Variants in AGPAT4 observed in about 807,000 individuals in gnomAD.
The protein encoded by AGPAT4 is 1-acylglycerol-3-phosphate O-acyltransferase 4.
AGPAT4 carries 15 observed loss-of-function variants against 48.0 expected under a neutral mutation model. The ratio of observed to expected loss-of-function variants is 0.31; its 90% CI spans 0.21 to 0.48. AGPAT4 has a LOEUF of 0.48. Among genes scored for constraint, AGPAT4 ranks in the 20% least tolerant of loss-of-function variants. AGPAT4 has a pLI of 0.99. For synonymous variants in AGPAT4, 178 were observed against 198.7 expected (o/e 0.90, Z 0.88); for missense variants, 314 against 482.5 (o/e 0.65, Z 3.27).
In AGPAT4 at chr6:161,246,951, AG is replaced by A. The variant is rs925389830; in HGVS notation, c.-89-14650del. On this transcript the variant is annotated intron_variant, in intron 1 of 8. Transcript: ENST00000320285. The surrounding 1 kb of genome is among the most constrained non-coding windows in gnomAD (Gnocchi z 5.5). The stretch of plus-strand genomic sequence containing the variant: ...CTTCTTTCCCATTAACATTAAACAC[AG>A]GGCAGATGACACACCAAGTTATTCT... Among the ~76,000 whole-genome samples the A allele has an allele frequency of 1.1e-4, 16 of 152,374 alleles. No individual in the cohort carries two copies. The highest frequency in any genetic ancestry group is 3.8e-4 in the African/African-American group (16 of 41,592).
At position 161,217,858 on chromosome 6, in the gene AGPAT4, G is replaced by A. The variant is rs945077954; in HGVS notation, c.178+14178C>T. ...GCACAGCTGGTGCCTCTGCTCCCGC[G>A]GGGCCCTGCACACACCAGCTCTGGG... is the stretch of plus-strand genomic sequence containing the variant. On this transcript the variant is annotated intron_variant, in intron 2 of 8. Coordinates refer to ENST00000320285, the MANE Select transcript of AGPAT4 (RefSeq NM_020133.3). The surrounding 1 kb of genome is among the most constrained non-coding windows in gnomAD (Gnocchi z 4.9). Among the ~76,000 whole-genome samples, 1 of 146,248 alleles carries A rather than the reference G, an allele frequency of 6.8e-6. No individual in the cohort carries two copies. Among genetic ancestry groups the A allele is most frequent in the Non-Finnish European group, 1.5e-5 (1 of 67,038 alleles).
chr6:161,175,236 T>C (rs901339207), intron 2 of AGPAT4, among the ~76,000 whole-genome samples: 1 of 152,202 alleles, frequency 6.6e-6, no homozygotes, highest in African/African-American at 2.4e-5. Flanking sequence ...CCAGCTCCTC[T>C]TTGTACCTCT....
Position 161,138,488 on chromosome 6 carries a change from C to T in AGPAT4, c.1042+934G>A, listed in dbSNP as rs1350968430. On this transcript the variant is annotated intron_variant, in intron 8 of 8. Coordinates refer to ENST00000320285, the MANE Select transcript of AGPAT4 (RefSeq NM_020133.3). The surrounding 1 kb of genome is among the most constrained non-coding windows in gnomAD (Gnocchi z 4.8). ...TTTATAGATGCACATATGCTTGAGA[C>T]TGGAACCACCACGTGCATCAAATTG... Among the ~76,000 whole-genome samples the T allele has an allele frequency of 6.6e-6, 1 of 152,156 alleles. No homozygotes were observed. The highest frequency in any genetic ancestry group is 2.4e-5 in the African/African-American group (1 of 41,418).
Position 161,240,125 on chromosome 6 carries a change from T to C in AGPAT4, c.-89-7823A>G, listed in dbSNP as rs1204903370. On this transcript the variant is annotated intron_variant, in intron 1 of 8. Coordinates refer to ENST00000320285, the MANE Select transcript of AGPAT4 (RefSeq NM_020133.3). This position sits in a 1 kb window ranked among gnomAD's most constrained non-coding sequence, Gnocchi z 5.5. ...TTCATTATGATATTAAGTGACAGGA[T>C]ACAAAATCATGTGGAGAAAATAATC... Among the ~76,000 whole-genome samples the C allele has an allele frequency of 2.0e-5, 3 of 151,384 alleles. No homozygotes were observed. The highest frequency in any genetic ancestry group is 4.4e-5 in the Non-Finnish European group (3 of 67,906).
rs951629860 is a variant in AGPAT4 at position 161,243,565 on chromosome 6, G to C, written c.-89-11263C>G. ...TAGCTTATGCTCTCTGAGCCTCCGG[G>C]TCTGTATCTGCTAATGGAGGTGAAA... is the stretch of plus-strand genomic sequence containing the variant. On this transcript the variant is annotated intron_variant, in intron 1 of 8. Transcript: ENST00000320285. This position sits in a 1 kb window ranked among gnomAD's most constrained non-coding sequence, Gnocchi z 4.8. Among the ~76,000 whole-genome samples, 24 of 152,150 alleles carry C rather than the reference G, an allele frequency of 1.6e-4. No homozygotes were observed. The highest frequency in any genetic ancestry group is 1.6e-3 in the Admixed American group (24 of 15,260).
chr6:161,163,803 A>G (rs1378336810), intron 3 of AGPAT4, among the ~76,000 whole-genome samples: 1 of 152,208 alleles, frequency 6.6e-6, no homozygotes, highest in African/African-American at 2.4e-5. Flanking sequence ...GCCCCCACTG[A>G]GCAAGGCTCC....
intron 2 of AGPAT4, among the ~76,000 whole-genome samples, chr6:161,185,938 T>C (rs1052396512): frequency 9.2e-5 from 14 of 152,244 alleles, no homozygotes; most frequent in African/African-American, 3.4e-4. Context: ...TCAATGCCAC[T>C]ATATTTGAAG....
intron 2 of AGPAT4, among the ~76,000 whole-genome samples, chr6:161,170,453 G>A (rs543539954): frequency 2.6e-4 from 37 of 142,544 alleles, no homozygotes; most frequent in African/African-American, 7.8e-4. Context: ...ATACACATGC[G>A]CGTGCACACG....
intron 2 of AGPAT4, among the ~76,000 whole-genome samples, chr6:161,176,964 T>C (rs1242715420): frequency 6.6e-6 from 1 of 152,278 alleles, no homozygotes; most frequent in Admixed American, 6.5e-5. Flanking sequence ...ATGTTCAATA[T>C]TGGCCCCCAC....
At position 161,238,071 on chromosome 6, in the gene AGPAT4, G is replaced by A. The variant is rs1424745615; in HGVS notation, c.-89-5769C>T. 6.9e-6 allele frequency among the ~76,000 whole-genome samples: 1 copy of A among 143,946 alleles called. No individual in the cohort carries two copies. The highest frequency in any genetic ancestry group is 2.3e-4 in the East Asian group (1 of 4,442). 94.4% of individuals were successfully genotyped at this position (143,946 alleles called of 152,430 possible). On this transcript the variant is annotated intron_variant, in intron 1 of 8. Transcript: ENST00000320285. This position sits in a 1 kb window ranked among gnomAD's most constrained non-coding sequence, Gnocchi z 5.2. ...TGTGTGTTGGGGGGCTGGGGGTGGG[G>A]GGGTAATGGGGGGGTTGGGGGGCGG... is the stretch of plus-strand genomic sequence containing the variant.
rs1779374053 is a variant in AGPAT4, at chr6:161,144,972, C to T, written c.843+1552G>A. On this transcript the variant is annotated intron_variant, in intron 7 of 8. Coordinates refer to ENST00000320285, the MANE Select transcript of AGPAT4 (RefSeq NM_020133.3). This position sits in a 1 kb window ranked among gnomAD's most constrained non-coding sequence, Gnocchi z 6.6. Reference sequence around the variant, plus strand: ...CTCCAGCCTGGGAGACAGAGTGAAACTCAGTCTCAAAAAAAAAAAATAAAA... The same window carrying T: ...CTCCAGCCTGGGAGACAGAGTGAAATTCAGTCTCAAAAAAAAAAAATAAAA... Among the ~76,000 whole-genome samples the T allele has an allele frequency of 6.6e-6, 1 of 151,274 alleles. No homozygotes were observed. The highest frequency in any genetic ancestry group is 2.1e-4 in the South Asian group (1 of 4,826).
At chr6:161,265,510 A>G (rs1214925336) in intron 1 of AGPAT4, among the ~76,000 whole-genome samples, 2 of 151,842 alleles carry the variant, frequency 1.3e-5, no homozygotes, top group East Asian at 3.9e-4. Flanking sequence ...CCACTGCTGG[A>G]CTGGGTGCTG....
rs1445809543 is a variant in AGPAT4, at chr6:161,169,665, T to A, written c.179-3248A>T. On this transcript the variant is annotated intron_variant, in intron 2 of 8. Coordinates refer to ENST00000320285, the MANE Select transcript of AGPAT4 (RefSeq NM_020133.3). The surrounding 1 kb of genome is among the most constrained non-coding windows in gnomAD (Gnocchi z 5.0). The stretch of plus-strand genomic sequence containing the variant: ...TTCTTAATCAAATGATTTCACTTCT[T>A]TTTTAATTCACAGAAACACATTTAT... Among the ~76,000 whole-genome samples the A allele has an allele frequency of 2.0e-5, 3 of 152,170 alleles. No homozygotes were observed. Among genetic ancestry groups the A allele is most frequent in the African/African-American group, 7.2e-5 (3 of 41,426 alleles).
intron 2 of AGPAT4, among the ~76,000 whole-genome samples, chr6:161,190,992 G>A (rs1019150058): frequency 2.6e-4 from 40 of 152,166 alleles, no homozygotes; most frequent in African/African-American, 9.7e-4. Flanking sequence ...AGACTGGTTA[G>A]ACCCATGCTA....
At chr6:161,256,989 T>C (rs780617375) in intron 1 of AGPAT4, among the ~76,000 whole-genome samples, 1 of 152,234 alleles carries the variant, frequency 6.6e-6, no homozygotes, top group African/African-American at 2.4e-5. Flanking sequence ...ACCAGCCACC[T>C]TAGCCAGTGG....
At chr6:161,179,025 C>A (rs1450637008) in intron 2 of AGPAT4, among the ~76,000 whole-genome samples, 1 of 152,208 alleles carries the variant, frequency 6.6e-6, no homozygotes, top group Non-Finnish European at 1.5e-5. Context: ...GTGACCTCTG[C>A]AAAGCCCCAA....
chr6:161,239,449 G>A (rs1367739605), intron 1 of AGPAT4, among the ~76,000 whole-genome samples: 5 of 152,126 alleles, frequency 3.3e-5, no homozygotes, highest in Admixed American at 3.3e-4. Flanking sequence ...CCTGAAATGG[G>A]ATTAACTCCG....
rs376226741 is a variant in AGPAT4 at position 161,184,665 on chromosome 6, G to A, written c.179-18248C>T. Among the ~76,000 whole-genome samples, 10 of 152,158 alleles carry A rather than the reference G, an allele frequency of 6.6e-5. No individual in the cohort carries two copies. The East Asian group carries it at 7.7e-4, about 12-fold the overall frequency. ...GTTCCTCTCCTACACCTAGTGGCAC[G>A]TCTCCTCACAGCCCATGCCCAGTCA... On this transcript the variant is annotated intron_variant, in intron 2 of 8. Transcript: ENST00000320285. This position sits in a 1 kb window ranked among gnomAD's most constrained non-coding sequence, Gnocchi z 4.8.
intron 2 of AGPAT4, among the ~76,000 whole-genome samples, chr6:161,170,011 A>G (rs1330865077): frequency 6.6e-6 from 1 of 152,168 alleles, no homozygotes; most frequent in Non-Finnish European, 1.5e-5. Flanking sequence ...ATCCCAGGCC[A>G]GGTGGTTGTA....
Sources: gnomAD v4.1 joint callset for allele counts (sites outside exome capture counted in the v4.1 genomes callset) on GRCh38, gnomAD v4.1.1 for gene constraint, Gnocchi (gnomAD v3.1) non-coding constraint, MANE v1.5 for transcripts, NCBI Gene and HGNC (gene_info 2026-07-23, HGNC 2026-07-21) for gene names.